L3MBTL4: variants seen among roughly 807,000 people sequenced by gnomAD.
L3MBTL4 encodes the protein lethal(3)malignant brain tumor-like protein 4.
In L3MBTL4, 70 loss-of-function variants were observed where a neutral mutation model predicts 84.5. That is an observed-to-expected ratio of 0.83 (90% CI 0.68 to 1.01). The LOEUF (loss-of-function observed/expected upper bound fraction) is 1.01. Ranked by LOEUF, L3MBTL4 falls within the 50% of genes least tolerant of loss-of-function variation. The probability of loss-of-function intolerance (pLI) is 0.00; values close to 1 mark genes in which losing one functional copy is unlikely to be tolerated. For missense variants in L3MBTL4, 715 were observed against 754.8 expected (o/e 0.95, Z 0.62); for synonymous variants, 274 against 259.8 (o/e 1.05, Z -0.52).
intron 1 of L3MBTL4, among the ~76,000 whole-genome samples, chr18:6,321,585 C>A (rs1352194481): frequency 6.6e-6 from 1 of 152,046 alleles, no homozygotes; most frequent in Non-Finnish European, 1.5e-5. Flanking sequence ...GAAGTCATAT[C>A]AAAAAGACAT....
chr18:6,354,137 C>T (rs1027153326), intron 1 of L3MBTL4, among the ~76,000 whole-genome samples: 1 of 152,224 alleles, frequency 6.6e-6, no homozygotes, highest in Middle Eastern at 3.4e-3. Flanking sequence ...CACATACCTA[C>T]AGTGAACTTG....
intron 14 of L3MBTL4, among the ~76,000 whole-genome samples, chr18:6,128,899 C>T (rs531468158): frequency 3.6e-4 from 55 of 151,948 alleles, no homozygotes; most frequent in Non-Finnish European, 6.6e-4. Context: ...AGGTGAGAGG[C>T]GGATTAATGG....
At chr18:6,143,309 A>G (rs565442528) in intron 13 of L3MBTL4, among the ~76,000 whole-genome samples, 2 of 152,230 alleles carry the variant, frequency 1.3e-5, no homozygotes, top group Non-Finnish European at 2.9e-5. Flanking sequence ...CATGACCTCA[A>G]CTATGGGAGA....
Position 6,239,737 on chromosome 18 carries a change from C to T in L3MBTL4, c.688G>A (p.Asp230Asn). Residue 230 changes from aspartate to asparagine, a missense_variant, in exon 9 of 19, where the codon GAT becomes AAT. Physicochemically the swap from Asp to Asn is conservative, Grantham distance 23. Coordinates refer to ENST00000317931, the MANE Select transcript of L3MBTL4 (RefSeq NM_001330559.2). ...TCTCACCAGTAATCGTAACTATCAT[C>T]CCAGTTGTCAAAATGCACTAGTAAG... ...DRLLVHFDNW[D>N]DSYDYWCDVN... 6.2e-7 allele frequency: 1 copy of T among 1,613,838 alleles called. No individual in the cohort carries two copies. The highest frequency in any genetic ancestry group is 8.5e-7 in the Non-Finnish European group (1 of 1,179,976).
At chr18:5,976,328 C>A (rs1268184203) in intron 16 of L3MBTL4, among the ~76,000 whole-genome samples, 1 of 152,176 alleles carries the variant, frequency 6.6e-6, no homozygotes, top group Non-Finnish European at 1.5e-5. Context: ...TTACTTGTTT[C>A]TTCTGATTAC....
chr18:6,345,950 T>C (rs1324620548), intron 1 of L3MBTL4, among the ~76,000 whole-genome samples: 2 of 147,386 alleles, frequency 1.4e-5, no homozygotes, highest in Non-Finnish European at 3.0e-5. Flanking sequence ...AATCATAAAG[T>C]ATGGTAGTAG....
chr18:6,302,155 T>C (rs1162437391), intron 3 of L3MBTL4, among the ~76,000 whole-genome samples, 198 bp from the exon 4 acceptor site: 1 of 152,112 alleles, frequency 6.6e-6, no homozygotes. Flanking sequence ...AAGGAATCCA[T>C]TAAAAGTATT....
intron 4 of L3MBTL4, among the ~76,000 whole-genome samples, chr18:6,284,020 C>T (rs1203641278): frequency 1.3e-5 from 2 of 152,204 alleles, no homozygotes; most frequent in Admixed American, 6.5e-5. Flanking sequence ...CCGGCAGCCA[C>T]GCACTGGCCT....
chr18:6,016,117 G>A (rs1049793784), intron 16 of L3MBTL4, among the ~76,000 whole-genome samples: 2 of 152,210 alleles, frequency 1.3e-5, no homozygotes, highest in Non-Finnish European at 2.9e-5. Context: ...AATACTCCAG[G>A]TGGAGCTTCA....
intron 12 of L3MBTL4, among the ~76,000 whole-genome samples, chr18:6,199,760 C>A (rs1237745581): frequency 6.6e-6 from 1 of 152,058 alleles, no homozygotes; most frequent in Non-Finnish European, 1.5e-5. Flanking sequence ...ATGTAGTTTA[C>A]GGAGGCAGCT....
chr18:6,264,048 A>G lies in L3MBTL4; in HGVS notation c.128-10T>C. 3 of 1,591,528 alleles carry G rather than the reference A, an allele frequency of 1.9e-6. No individual in the cohort carries two copies. On this transcript the variant is annotated splice_polypyrimidine_tract_variant and intron_variant, in intron 4 of 18. Coordinates refer to ENST00000317931, the MANE Select transcript of L3MBTL4 (RefSeq NM_001330559.2). ...GCAGCCGCTGAAGGGACTGGAAGAG[A>G]AAACACAATGACTTTTCTCAAAATG...
intron 14 of L3MBTL4, among the ~76,000 whole-genome samples, chr18:6,112,369 GC>G (rs1368998030): frequency 1.3e-5 from 2 of 152,108 alleles, no homozygotes; most frequent in Non-Finnish European, 2.9e-5. Flanking sequence ...CTCTCCCTTT[GC>G]TGCACTGGCA....
At chr18:6,099,219 G>A (rs1189522904) in intron 14 of L3MBTL4, among the ~76,000 whole-genome samples, 1 of 152,020 alleles carries the variant, frequency 6.6e-6, no homozygotes, top group Admixed American at 6.6e-5. Context: ...GAACTGTATT[G>A]TCTTTAGTAT....
chr18:6,369,993 C>T (rs373622263), intron 1 of L3MBTL4, among the ~76,000 whole-genome samples: 1 of 151,950 alleles, frequency 6.6e-6, no homozygotes, highest in East Asian at 1.9e-4. Context: ...AATTAGCTGG[C>T]CATGGTGGCA....
At chr18:6,088,175 T>C (rs2058321866) in intron 15 of L3MBTL4, among the ~76,000 whole-genome samples, 1 of 152,144 alleles carries the variant, frequency 6.6e-6, no homozygotes, top group African/African-American at 2.4e-5. Flanking sequence ...GAGAGAGGGA[T>C]GCTGAGAGCA....
At chr18:6,242,309 C>T (rs557025405) in intron 7 of L3MBTL4, among the ~76,000 whole-genome samples, 3 of 152,344 alleles carry the variant, frequency 2.0e-5, no homozygotes, top group Admixed American at 2.0e-4. Flanking sequence ...TCTGTCATTT[C>T]ACCCACGTCT....
chr18:6,345,397 A>AAAAC (rs752013822), intron 1 of L3MBTL4, among the ~76,000 whole-genome samples: 27 of 151,900 alleles, frequency 1.8e-4, no homozygotes, highest in East Asian at 7.8e-4. Flanking sequence ...CTCCGTCTCA[A>AAAAC]AAACAAACAA....
chr18:6,111,385 CTT>C (rs2144100420), intron 14 of L3MBTL4, among the ~76,000 whole-genome samples: 2 of 152,234 alleles, frequency 1.3e-5, no homozygotes, highest in South Asian at 2.1e-4. Flanking sequence ...ATAAAAGTGA[CTT>C]AGGATTTTTT....
At chr18:5,986,706 C>T (rs971779828) in intron 16 of L3MBTL4, among the ~76,000 whole-genome samples, 1 of 152,194 alleles carries the variant, frequency 6.6e-6, no homozygotes, top group East Asian at 1.9e-4. Flanking sequence ...TGGTTGGAAC[C>T]GATGCCAGTG....
Sources: gnomAD v4.1 joint callset for allele counts (sites outside exome capture counted in the v4.1 genomes callset) on GRCh38, gnomAD v4.1.1 for gene constraint, MANE v1.5 for transcripts, NCBI Gene and HGNC (gene_info 2026-07-23, HGNC 2026-07-21) for gene names.